Variants in TBC1D20 observed in about 807,000 individuals in gnomAD.
The protein encoded by TBC1D20 is chromosome 20 open reading frame 140.
TBC1D20 carries 12 observed loss-of-function variants against 41.6 expected under a neutral mutation model. The ratio of observed to expected loss-of-function variants is 0.29; its 90% CI spans 0.18 to 0.47. The LOEUF is 0.47. Ranked by LOEUF, TBC1D20 falls within the 20% of genes least tolerant of loss-of-function variation. The pLI is 1.00. For synonymous variants in TBC1D20, 205 were observed against 204.8 expected (o/e 1.00, Z -0.01); for missense variants, 421 against 517.4 (o/e 0.81, Z 1.81).
rs2017133561 is a variant in TBC1D20 at position 437,116 on chromosome 20, A to T, written c.*1470T>A. 1 of 152,258 alleles carries T rather than the reference A, an allele frequency of 6.6e-6. No individual in the cohort carries two copies. Among genetic ancestry groups the T allele is most frequent in the Admixed American group, 6.6e-5 (1 of 15,256 alleles). The allele number at this position is 152,258 out of a possible 1,614,324, so 9.4% of individuals were successfully genotyped here. A position where few individuals can be genotyped will look rare whatever the true frequency, so the allele number is the denominator to read the frequency against. On this transcript the variant is annotated 3_prime_UTR_variant, in exon 8 of 8. Transcript: ENST00000354200. ...GCAACAGAGTGAGACTCCATCTCAG[A>T]AAAAAGAAAATAATAATAAAATAAA...
In TBC1D20 at chr20:447,889, C is replaced by T; in HGVS notation, c.256G>A (p.Gly86Arg). The T allele has an allele frequency of 1.9e-6, 3 of 1,608,916 alleles. No homozygotes were observed. Among genetic ancestry groups the T allele is most frequent in the Non-Finnish European group, 1.7e-6 (2 of 1,177,244 alleles). Residue 86 changes from glycine (G) to arginine (R), a missense_variant and splice_region_variant, in exon 2 of 8, where the codon GGG (glycine) becomes AGG (arginine). Coordinates refer to ENST00000354200, the MANE Select transcript of TBC1D20 (RefSeq NM_144628.4). ...VNANDPPPIS[G>R]KNLRQMSKDY... ...TCACAGCCTCCCCCACTCCCCTTAC[C>T]TGATATAGGAGGTGGGTCATTGGCA...
At chr20:452,600 G>A (rs146800620) in intron 1 of TBC1D20, among the ~76,000 whole-genome samples, 12 of 152,322 alleles carry the variant, frequency 7.9e-5, no homozygotes, top group African/African-American at 2.9e-4. Flanking sequence ...CTAGGTGACA[G>A]AGCAATACCC....
At position 439,111 on chromosome 20, in the gene TBC1D20, T is replaced by C. The variant is rs2017175772; in HGVS notation, c.953A>G (p.Glu318Gly). 1 of 1,610,844 alleles carries C rather than the reference T, an allele frequency of 6.2e-7. No homozygotes were observed. Among genetic ancestry groups the C allele is most frequent in the Non-Finnish European group, 8.5e-7 (1 of 1,178,238 alleles). ...CCAGTGTCCCAGCCTTGCTCACCTCTCAGCTTGCTGTTGGGCAGCGGCCTC... is the reference window on the plus strand; with the variant it reads ...CCAGTGTCCCAGCCTTGCTCACCTCCCAGCTTGCTGTTGGGCAGCGGCCTC... Reference protein sequence around the residue: ...AREAAAQQQAERTAASTFKDF... With the variant: ...AREAAAQQQAGRTAASTFKDF... Residue 318 changes from glutamate (E) to glycine (G), a missense_variant, in exon 7 of 8, where the codon GAG becomes GGG. By Grantham distance (98) the Glu-to-Gly change is moderately conservative. Around this residue, in one of 3 missense-constraint regions of TBC1D20, gnomAD observed 161 missense variants for 182.7 expected, o/e 0.88. Coordinates refer to ENST00000354200, the MANE Select transcript of TBC1D20 (RefSeq NM_144628.4). This position sits in a 1 kb window ranked among gnomAD's most constrained non-coding sequence, Gnocchi z 4.6.
chr20:455,243 G>C (rs2017520337), intron 1 of TBC1D20, among the ~76,000 whole-genome samples: 1 of 152,130 alleles, frequency 6.6e-6, no homozygotes, highest in Non-Finnish European at 1.5e-5. Context: ...TGGCACAATT[G>C]TTCACAGCAA....
intron 1 of TBC1D20, among the ~76,000 whole-genome samples, chr20:453,121 C>CCAGCCTGG (rs1468139076): frequency 7.5e-6 from 1 of 132,884 alleles, no homozygotes; most frequent in Non-Finnish European, 1.5e-5. Context: ...CCATTGCACT[C>CCAGCCTGG]CAGCCTGGGC....
chr20:456,563 T>A (rs185480524), intron 1 of TBC1D20, among the ~76,000 whole-genome samples: 68 of 146,106 alleles, frequency 4.7e-4, no homozygotes, highest in Non-Finnish European at 7.5e-4. Flanking sequence ...ATGACTTTTT[T>A]TCTTCTTCTT....
At chr20:461,554 G>T (rs2017629995) in intron 1 of TBC1D20, among the ~76,000 whole-genome samples, 1 of 152,056 alleles carries the variant, frequency 6.6e-6, no homozygotes, top group Non-Finnish European at 1.5e-5. Flanking sequence ...TAGAGATGAG[G>T]CCTCGCTGTG....
At chr20:450,874 G>A (rs894635863) in intron 1 of TBC1D20, 7 of 152,226 alleles carry the variant, frequency 4.6e-5, no homozygotes, top group African/African-American at 1.7e-4. Flanking sequence ...GCCTTTGGCT[G>A]AGATCAGGGG....
At chr20:453,973 G>A (rs1457076121) in intron 1 of TBC1D20, among the ~76,000 whole-genome samples, 3 of 148,160 alleles carry the variant, frequency 2.0e-5, no homozygotes, top group Non-Finnish European at 4.5e-5. Context: ...AGGTGCGGTG[G>A]CTCACGCCTG....
chr20:458,417 G>A (rs1053225672), intron 1 of TBC1D20, among the ~76,000 whole-genome samples: 6 of 151,300 alleles, frequency 4.0e-5, no homozygotes, highest in Non-Finnish European at 7.4e-5. Context: ...GGGCTCAAGT[G>A]ATCCTCCTGC....
chr20:444,963 G>A lies in TBC1D20; in HGVS notation c.337+87C>T, dbSNP rs148646245. 1,156 of 1,213,054 alleles carry A rather than the reference G, an allele frequency of 9.5e-4. 25 individuals are homozygous for A. In the East Asian group the frequency reaches 0.029, roughly 31 times the overall value. The allele number at this position is 1,213,054 out of a possible 1,614,324, so 75.1% of individuals were successfully genotyped here. ...GGAGAGCTCTGAAGGTCCCTGAGGC[G>A]GCAGGGTCCAGCATATTAGGTCACA... On this transcript the variant is annotated intron_variant, in intron 3 of 7. Transcript: ENST00000354200.
In TBC1D20 at chr20:462,340, C is replaced by T; in HGVS notation, c.66G>A (p.Lys22=). Residue 22 remains lysine, a synonymous_variant, in exon 1 of 8, where the codon AAG becomes AAA. Coordinates refer to ENST00000354200, the MANE Select transcript of TBC1D20 (RefSeq NM_144628.4). The part of the protein sequence containing the change: ...TSGHWDGGAE[K]ADFNAKRKKK... ...CGCCCCGGTCGGCTTCCGTACCTGC[C>T]TTCTCCGCGCCGCCGTCCCAGTGGC... is the stretch of plus-strand genomic sequence containing the variant. 2 of 1,306,414 alleles carry T rather than the reference C, an allele frequency of 1.5e-6. No individual in the cohort carries two copies. Among genetic ancestry groups the T allele is most frequent in the Non-Finnish European group, 2.0e-6 (2 of 1,017,624 alleles). The allele number at this position is 1,306,414 out of a possible 1,614,324, so 80.9% of individuals were successfully genotyped here.
In TBC1D20 at chr20:440,514, G is replaced by A. The variant is rs2122383945; in HGVS notation, c.627-125C>T. 4.2e-6 allele frequency: 5 copies of A among 1,194,902 alleles called. No individual in the cohort carries two copies. The East Asian group carries it at 1.0e-4, about 24-fold the overall frequency. The allele number at this position is 1,194,902 out of a possible 1,614,324, so 74.0% of individuals were successfully genotyped here. A position where few individuals can be genotyped will look rare whatever the true frequency, so the allele number is the denominator to read the frequency against. On this transcript the variant is annotated intron_variant, in intron 5 of 7. Coordinates refer to ENST00000354200, the MANE Select transcript of TBC1D20 (RefSeq NM_144628.4). ...ATTTCTGGAAAATTCAGTTACCTAG[G>A]AATTCAGCATCTTCTCCTTACAAAA...
At chr20:458,306 C>T (rs960782352) in intron 1 of TBC1D20, among the ~76,000 whole-genome samples, 1 of 151,516 alleles carries the variant, frequency 6.6e-6, no homozygotes, top group African/African-American at 2.4e-5. Context: ...TCTTAAGACT[C>T]TGTTCCAATT....
chr20:449,149 T>C (rs1188086714), intron 1 of TBC1D20, among the ~76,000 whole-genome samples: 10 of 134,116 alleles, frequency 7.5e-5, no homozygotes. Flanking sequence ...CCAGCCTATA[T>C]GTACTTTTTT....
chr20:459,197 C>T (rs1254986233), intron 1 of TBC1D20, among the ~76,000 whole-genome samples: 1 of 152,168 alleles, frequency 6.6e-6, no homozygotes, highest in Non-Finnish European at 1.5e-5. Flanking sequence ...GAAAGAGAAA[C>T]ATCATAGAGC....
chr20:462,355 G>A lies in TBC1D20; in HGVS notation c.51C>T (p.Asp17=), dbSNP rs940193962. Residue 17 remains aspartate, a synonymous_variant, in exon 1 of 8, where the codon GAC becomes GAT. Transcript: ENST00000354200. ...QGDGPTSGHW[D]GGAEKADFNA... is the part of the protein sequence containing the mutation. ...CCGTACCTGCCTTCTCCGCGCCGCC[G>A]TCCCAGTGGCCGGAGGTGGGGCCGT... 7 of 1,306,896 alleles carry A rather than the reference G, an allele frequency of 5.4e-6. No homozygotes were observed. The African/African-American group carries it at 1.1e-4, about 20-fold the overall frequency. The allele number at this position is 1,306,896 out of a possible 1,614,324, so 81.0% of individuals were successfully genotyped here. A position where few individuals can be genotyped will look rare whatever the true frequency, so the allele number is the denominator to read the frequency against.
In TBC1D20 at chr20:453,153, CAAAAAAAAAAAAAAAAA is replaced by C. The variant is rs71191943; in HGVS notation, c.71-5096_71-5080del. On this transcript the variant is annotated intron_variant, in intron 1 of 7. Coordinates refer to ENST00000354200, the MANE Select transcript of TBC1D20 (RefSeq NM_144628.4). Reference sequence around the variant, plus strand: ...GGGCAACAAGAGCGAAACTCCGTTTCAAAAAAAAAAAAAAAAAAAAAAAAAAAAAAAAAAACAGGCTG... The same window carrying C: ...GGGCAACAAGAGCGAAACTCCGTTTCAAAAAAAAAAAAAAAAAACAGGCTG... Among the ~76,000 whole-genome samples the C allele has an allele frequency of 1.0e-3, 45 of 44,858 alleles. No homozygotes were observed. In the South Asian group the frequency reaches 0.012, roughly 11 times the overall value. The allele number at this position is 44,858 out of a possible 152,430, so 29.4% of individuals were successfully genotyped here.
rs762122162 is a variant in TBC1D20, at chr20:445,155, T to A, written c.257-25A>T. The A allele has an allele frequency of 1.7e-5, 27 of 1,557,474 alleles. 1 individual carries two copies. In the South Asian group the frequency reaches 2.5e-4, roughly 15 times the overall value. ...CCTATTGAAGGAAAAGGCACGTTAT[T>A]GCAGGAATGCCTGAGAAGCCAGACC... On this transcript the variant is annotated intron_variant, in intron 2 of 7. Transcript: ENST00000354200.
Sources: allele counts gnomAD v4.1 joint callset (sites outside exome capture counted in the v4.1 genomes callset), GRCh38; gene constraint gnomAD v4.1.1; regional missense constraint gnomAD v4.1.1; non-coding constraint Gnocchi (gnomAD v3.1); transcripts MANE v1.5; gene names NCBI Gene and HGNC (gene_info 2026-07-23, HGNC 2026-07-21).